The following SH3RF1 variants were observed in gnomAD, a reference collection of about 807,000 sequenced individuals.
SH3RF1 encodes the protein SH3 domain containing ring finger 1, also known as E3 ubiquitin-protein ligase SH3RF1.
In SH3RF1, 32 loss-of-function variants were observed where a neutral mutation model predicts 74.0. The ratio of observed to expected loss-of-function variants is 0.43; its 90% CI spans 0.33 to 0.58. The LOEUF (loss-of-function observed/expected upper bound fraction) is 0.58, where lower values mean the gene tolerates loss of function less well. Among genes scored for constraint, SH3RF1 ranks in the 20% least tolerant of loss-of-function variants. The pLI is 0.05. For synonymous variants in SH3RF1, 396 were observed against 439.6 expected (o/e 0.90, Z 1.24); for missense variants, 954 against 1,130.9 (o/e 0.84, Z 2.24).
intron 10 of SH3RF1, among the ~76,000 whole-genome samples, chr4:169,116,039 T>C (rs1326170917): frequency 6.6e-6 from 1 of 152,100 alleles, no homozygotes; most frequent in East Asian, 1.9e-4. Flanking sequence ...TGGCAAGTAG[T>C]GGGCGTTTAA....
intron 2 of SH3RF1, among the ~76,000 whole-genome samples, chr4:169,229,343 T>C (rs1255898737): frequency 6.6e-6 from 1 of 152,174 alleles, no homozygotes; most frequent in Non-Finnish European, 1.5e-5. Flanking sequence ...AGAGGAAGAA[T>C]TTTCTGACTC....
chr4:169,179,035 C>T (rs1430164210), intron 2 of SH3RF1, among the ~76,000 whole-genome samples: 2 of 152,196 alleles, frequency 1.3e-5, no homozygotes, highest in Non-Finnish European at 2.9e-5. Context: ...GACCACACCC[C>T]AATCCCTGAA....
chr4:169,179,262 A>C (rs1320276642), intron 2 of SH3RF1, among the ~76,000 whole-genome samples: 1 of 152,212 alleles, frequency 6.6e-6, no homozygotes, highest in East Asian at 1.9e-4. Context: ...CCACAAGCCA[A>C]AGGATATTTC....
At chr4:169,156,303 C>A in intron 3 of SH3RF1, 101 bp downstream of exon 3, 1 of 1,343,698 alleles carries the variant, frequency 7.4e-7, no homozygotes, top group Non-Finnish European at 9.9e-7. Context: ...TCACACAAAA[C>A]TTGTATTTTT....
chr4:169,185,890 G>C (rs898925865), intron 2 of SH3RF1, among the ~76,000 whole-genome samples: 21 of 152,152 alleles, frequency 1.4e-4, no homozygotes, highest in Non-Finnish European at 1.3e-4. Flanking sequence ...GAATCAAATG[G>C]GGAGGCAGGA....
At chr4:169,144,921 G>C (rs975104613) in intron 4 of SH3RF1, among the ~76,000 whole-genome samples, 1 of 152,106 alleles carries the variant, frequency 6.6e-6, no homozygotes, top group African/African-American at 2.4e-5. Context: ...AATAGTAGGG[G>C]TAAGAGGAAA....
intron 11 of SH3RF1, among the ~76,000 whole-genome samples, chr4:169,100,716 C>T (rs1166751966): frequency 1.3e-5 from 2 of 152,206 alleles, no homozygotes; most frequent in Non-Finnish European, 2.9e-5. Flanking sequence ...CTTTACAATG[C>T]CTGTGAGCAA....
intron 5 of SH3RF1, among the ~76,000 whole-genome samples, chr4:169,133,822 A>C (rs1021612522): frequency 1.6e-4 from 25 of 152,284 alleles, no homozygotes; most frequent in African/African-American, 4.8e-4. Context: ...AAAGGTTAAC[A>C]TGTGTAAGGA....
chr4:169,099,767 T>G (rs927181810), intron 11 of SH3RF1, among the ~76,000 whole-genome samples: 1 of 152,224 alleles, frequency 6.6e-6, no homozygotes, highest in Admixed American at 6.5e-5. Flanking sequence ...CTAGAACTGC[T>G]GCTGGGCTAA....
intron 2 of SH3RF1, among the ~76,000 whole-genome samples, chr4:169,164,111 C>T (rs944785595): frequency 1.3e-5 from 2 of 152,158 alleles, no homozygotes; most frequent in African/African-American, 4.8e-5. Flanking sequence ...ACCTAGAGTG[C>T]CTTATGAATA....
intron 4 of SH3RF1, among the ~76,000 whole-genome samples, chr4:169,145,380 T>C (rs1733857907): frequency 6.6e-6 from 1 of 151,690 alleles, no homozygotes. Flanking sequence ...GACTTAAAGA[T>C]GGAAATAACA....
chr4:169,179,782 T>C (rs1734477524), intron 2 of SH3RF1, among the ~76,000 whole-genome samples: 1 of 152,224 alleles, frequency 6.6e-6, no homozygotes, highest in Non-Finnish European at 1.5e-5. Flanking sequence ...CAAAATTTAC[T>C]TTGAATAAAT....
intron 2 of SH3RF1, among the ~76,000 whole-genome samples, chr4:169,176,434 T>C (rs1274021323): frequency 6.6e-6 from 1 of 152,252 alleles, no homozygotes; most frequent in Non-Finnish European, 1.5e-5. Flanking sequence ...AATATGATTT[T>C]AGAATATTTT....
chr4:169,104,542 A>G (rs181491557), intron 11 of SH3RF1, among the ~76,000 whole-genome samples: 162 of 152,308 alleles, frequency 1.1e-3, no homozygotes, highest in African/African-American at 3.7e-3. Flanking sequence ...GTAATGGCTC[A>G]TTTTAAAACT....
intron 2 of SH3RF1, among the ~76,000 whole-genome samples, chr4:169,226,128 T>A (rs890586984): frequency 6.6e-6 from 1 of 152,234 alleles, no homozygotes; most frequent in African/African-American, 2.4e-5. Context: ...CCAAATGTTG[T>A]GACTCATAGT....
chr4:169,159,012 G>A (rs1209595230), intron 2 of SH3RF1, among the ~76,000 whole-genome samples: 1 of 152,182 alleles, frequency 6.6e-6, no homozygotes, highest in African/African-American at 2.4e-5. Flanking sequence ...GAAGACAGGG[G>A]TTGAGCCTTC....
intron 2 of SH3RF1, among the ~76,000 whole-genome samples, chr4:169,191,955 A>G (rs981291115): frequency 1.3e-5 from 2 of 151,978 alleles, no homozygotes; most frequent in African/African-American, 4.8e-5. Context: ...ATAACACTGG[A>G]AAAAAAACCC....
At chr4:169,102,272 T>C (rs954387184) in intron 11 of SH3RF1, among the ~76,000 whole-genome samples, 4 of 152,236 alleles carry the variant, frequency 2.6e-5, no homozygotes, top group Non-Finnish European at 5.9e-5. Context: ...GGGTTCCTTG[T>C]CACTGATTCA....
chr4:169,106,440 T>C (rs554581627), intron 11 of SH3RF1, among the ~76,000 whole-genome samples: 1 of 151,580 alleles, frequency 6.6e-6, no homozygotes, highest in South Asian at 2.1e-4. Context: ...CTCTAGTTGC[T>C]TCACAACTAG....
Sources: allele counts gnomAD v4.1 joint callset (sites outside exome capture counted in the v4.1 genomes callset), GRCh38; gene constraint gnomAD v4.1.1; transcripts MANE v1.5; gene names NCBI Gene and HGNC (gene_info 2026-07-23, HGNC 2026-07-21).